The following TBC1D19 variants were observed in gnomAD, a reference collection of about 807,000 sequenced individuals.
The protein encoded by TBC1D19 is TBC1 domain family member 19.
In TBC1D19, 60 loss-of-function variants were observed where a neutral mutation model predicts 89.0. The observed-to-expected ratio is 0.67, with a 90% CI of 0.55 to 0.84. The LOEUF (loss-of-function observed/expected upper bound fraction) is 0.84, where lower values mean the gene tolerates loss of function less well. TBC1D19 is among the 40% of genes least tolerant of loss of function. The probability of loss-of-function intolerance (pLI) is 0.00; values close to 1 mark genes in which losing one functional copy is unlikely to be tolerated. For missense variants in TBC1D19, 500 were observed against 610.8 expected (o/e 0.82, Z 1.91); for synonymous variants, 189 against 199.7 (o/e 0.95, Z 0.45).
rs141855165 is a variant in TBC1D19 at position 26,697,255 on chromosome 4, A to G, written c.954+8848A>G. Among the ~76,000 whole-genome samples the G allele has an allele frequency of 1.8e-3, 280 of 152,378 alleles. 1 individual carries two copies. Among genetic ancestry groups the G allele is most frequent in the African/African-American group, 6.4e-3 (265 of 41,592 alleles). On this transcript the variant is annotated intron_variant, in intron 13 of 20. Coordinates refer to ENST00000264866, the MANE Select transcript of TBC1D19 (RefSeq NM_018317.4). ...TCTATGCAAACAAACTAGAAAATCTAGAAGAAATGGATAAATTCCTGGACA... is the reference window on the plus strand; with the variant it reads ...TCTATGCAAACAAACTAGAAAATCTGGAAGAAATGGATAAATTCCTGGACA...
chr4:26,719,418 A>G (rs1716840930), intron 14 of TBC1D19, among the ~76,000 whole-genome samples: 1 of 152,128 alleles, frequency 6.6e-6, no homozygotes, highest in Non-Finnish European at 1.5e-5. Flanking sequence ...TGACTTTTCA[A>G]TAAACTCAAA....
intron 7 of TBC1D19, among the ~76,000 whole-genome samples, chr4:26,649,108 G>T (rs1744151570): frequency 6.6e-6 from 1 of 150,722 alleles, no homozygotes; most frequent in Non-Finnish European, 1.5e-5. Context: ...GGCTAAAATT[G>T]TGCTGTTAGG....
At chr4:26,582,812 TTA>T (rs1240482746), upstream of TBC1D19, among the ~76,000 whole-genome samples, 13 of 152,350 alleles carry the variant, frequency 8.5e-5, no homozygotes, top group East Asian at 2.3e-3. Context: ...GAATTTGTAC[TTA>T]TCATCCCAGT....
intron 7 of TBC1D19, among the ~76,000 whole-genome samples, chr4:26,652,330 A>C (rs1408859253): frequency 6.6e-6 from 1 of 152,176 alleles, no homozygotes; most frequent in Non-Finnish European, 1.5e-5. Context: ...TTGGCTGTGA[A>C]TCCATCTGGT....
At chr4:26,844,672 G>C in the TBC1D19 span, among the ~76,000 whole-genome samples, 1 of 152,286 alleles carries the variant, frequency 6.6e-6, no homozygotes, top group African/African-American at 2.4e-5. Context: ...AGCCAGCTGT[G>C]TTTTATGGGG....
At chr4:26,694,303 C>G (rs1714569584) in intron 13 of TBC1D19, among the ~76,000 whole-genome samples, 1 of 152,182 alleles carries the variant, frequency 6.6e-6, no homozygotes. Flanking sequence ...TCATTGCTAG[C>G]ACAGCAGTCT....
At chr4:26,697,874 C>A (rs189491263) in intron 13 of TBC1D19, among the ~76,000 whole-genome samples, 10 of 152,096 alleles carry the variant, frequency 6.6e-5, no homozygotes, top group Non-Finnish European at 1.3e-4. Context: ...AAATAATAAG[C>A]GCTATCTATG....
intron 7 of TBC1D19, 103 bp downstream of exon 7, chr4:26,640,290 CCCAGAGTCA>C: frequency 1.1e-6 from 1 of 902,964 alleles, no homozygotes; most frequent in Non-Finnish European, 1.8e-6. Flanking sequence ...TGTAAAAAGC[CCCAGAGTCA>C]CTGAAGCAGT....
downstream of TBC1D19, among the ~76,000 whole-genome samples, chr4:26,759,390 G>A (rs1461283123): frequency 6.6e-6 from 1 of 152,050 alleles, no homozygotes; most frequent in Non-Finnish European, 1.5e-5. Context: ...AATATTTTCA[G>A]AGGAAAAAAT....
intron 13 of TBC1D19, among the ~76,000 whole-genome samples, chr4:26,698,510 T>C (rs1381244008): frequency 6.6e-6 from 1 of 152,132 alleles, no homozygotes; most frequent in Non-Finnish European, 1.5e-5. Flanking sequence ...TGGAAAAAAC[T>C]ACTTTAAAGT....
intron 13 of TBC1D19, among the ~76,000 whole-genome samples, chr4:26,696,539 A>C (rs1451731065): frequency 6.6e-6 from 1 of 152,184 alleles, no homozygotes; most frequent in East Asian, 1.9e-4. Flanking sequence ...CTCCACCCCA[A>C]CTCAACAGAA....
the TBC1D19 span, among the ~76,000 whole-genome samples, chr4:26,800,259 G>C: frequency 3.9e-5 from 6 of 152,196 alleles, no homozygotes; most frequent in South Asian, 8.3e-4. Context: ...TGCAGTGTTT[G>C]GTTTTTTGTC....
intron 14 of TBC1D19, among the ~76,000 whole-genome samples, chr4:26,719,186 C>T (rs1057166368): frequency 1.3e-5 from 2 of 152,074 alleles, no homozygotes; most frequent in African/African-American, 4.8e-5. Context: ...ATGTTTGCCT[C>T]TCAGCATCTA....
At chr4:26,770,760 A>C in the TBC1D19 span, among the ~76,000 whole-genome samples, 5 of 152,148 alleles carry the variant, frequency 3.3e-5, no homozygotes, top group African/African-American at 4.8e-5. Context: ...TTCAAGCCAT[A>C]TAAAGTATGT....
At chr4:26,743,482 A>T (rs1350336981) in intron 18 of TBC1D19, among the ~76,000 whole-genome samples, 13 of 152,066 alleles carry the variant, frequency 8.5e-5, no homozygotes, top group Admixed American at 8.5e-4. Flanking sequence ...TTACGTTAAG[A>T]TAATTCAGTT....
the TBC1D19 span, among the ~76,000 whole-genome samples, chr4:26,778,079 A>C: frequency 2.3e-4 from 25 of 109,820 alleles, no homozygotes; most frequent in African/African-American, 8.1e-4. Context: ...AGGGGAAGGG[A>C]GGGGAGGGAG....
intron 9 of TBC1D19, among the ~76,000 whole-genome samples, chr4:26,670,629 T>C (rs1712214255): frequency 6.6e-6 from 1 of 151,710 alleles, no homozygotes; most frequent in African/African-American, 2.4e-5. Context: ...TACAGATCAG[T>C]GAATTTTTAC....
chr4:26,843,195 C>T, the TBC1D19 span, among the ~76,000 whole-genome samples: 1 of 152,162 alleles, frequency 6.6e-6, no homozygotes, highest in Non-Finnish European at 1.5e-5. Context: ...AAAATAATTC[C>T]TGTATTAAAA....
chr4:26,826,418 CCTTA>C, the TBC1D19 span, among the ~76,000 whole-genome samples: 32 of 152,108 alleles, frequency 2.1e-4, no homozygotes, highest in Admixed American at 3.3e-4. Flanking sequence ...ATATTTGTGC[CCTTA>C]CTGTCTGCTC....
Sources: gnomAD v4.1 joint callset for allele counts (sites outside exome capture counted in the v4.1 genomes callset) on GRCh38, gnomAD v4.1.1 for gene constraint, MANE v1.5 for transcripts, NCBI Gene and HGNC (gene_info 2026-07-23, HGNC 2026-07-21) for gene names.